The following COLEC11 variants were observed in gnomAD, a reference collection of about 807,000 sequenced individuals.
COLEC11 encodes collectin-11.
Under a neutral mutation model 27.3 loss-of-function variants are expected in COLEC11, and 20 were observed. That is an observed-to-expected ratio of 0.73 (90% confidence interval 0.51 to 1.06). The LOEUF (loss-of-function observed/expected upper bound fraction) is 1.06. COLEC11 is among the 50% of genes least tolerant of loss of function. The pLI, the probability that COLEC11 is intolerant of heterozygous loss-of-function variation, is 0.00. For missense variants in COLEC11, 310 were observed against 383.0 expected, an observed-to-expected ratio of 0.81 and a Z score of 1.59; for synonymous variants, 163 against 154.7, an observed-to-expected ratio of 1.05 and a Z score of -0.40.
At chr2:3,630,528 T>C (rs142586795) in intron 3 of COLEC11, among the ~76,000 whole-genome samples, 246 of 152,264 alleles carry the variant, frequency 1.6e-3, no homozygotes, top group African/African-American at 5.6e-3. Context: ...GAAAAATGAG[T>C]GCCCTTTACA....
chr2:3,601,170 G>A (rs1347969756), intron 1 of COLEC11, among the ~76,000 whole-genome samples: 1 of 152,244 alleles, frequency 6.6e-6, no homozygotes, highest in Admixed American at 6.5e-5. Flanking sequence ...GCCTCGGCGT[G>A]GTGGCAGTGG....
At chr2:3,624,399 C>T (rs1296750459) in intron 3 of COLEC11, among the ~76,000 whole-genome samples, 1 of 152,198 alleles carries the variant, frequency 6.6e-6, no homozygotes, top group Non-Finnish European at 1.5e-5. Context: ...TATTAGGGTC[C>T]ATAGCCTTTC....
chr2:3,595,809 C>T (rs562232937), intron 1 of COLEC11, among the ~76,000 whole-genome samples: 41 of 152,230 alleles, frequency 2.7e-4, no homozygotes, highest in African/African-American at 9.6e-4. Flanking sequence ...TAGGAACTGG[C>T]GGTCTTTTTA....
In COLEC11 at chr2:3,644,241, T is replaced by TAG. The variant is rs1572488768; in HGVS notation, c.*126_*127dup. On this transcript the variant is annotated 3_prime_UTR_variant, in exon 7 of 7. Transcript: ENST00000349077. Reference sequence around the variant, plus strand: ...CTGTGAAGGGTGGAGGCTCACTGAGTAGAGGGCTGTTGTCTAAACTGAGAA... The same window carrying TAG: ...CTGTGAAGGGTGGAGGCTCACTGAGTAGAGAGGGCTGTTGTCTAAACTGAGAA... 2 of 1,222,948 alleles carry TAG rather than the reference T, an allele frequency of 1.6e-6. No individual in the cohort carries two copies. The highest frequency in any genetic ancestry group is 4.8e-4 in the Middle Eastern group (2 of 4,178). 75.8% of individuals were successfully genotyped at this position (1,222,948 alleles called of 1,614,324 possible). A position where few individuals can be genotyped will look rare whatever the true frequency, so the allele number is the denominator to read the frequency against.
intron 3 of COLEC11, among the ~76,000 whole-genome samples, chr2:3,628,522 C>T (rs1664729287): frequency 6.6e-6 from 1 of 152,218 alleles, no homozygotes; most frequent in African/African-American, 2.4e-5. Context: ...GCATGCTCTG[C>T]ACATGGGGAC....
intron 2 of COLEC11, 100 bp downstream of exon 2, chr2:3,604,570 CA>C: frequency 1.5e-6 from 2 of 1,347,826 alleles, no homozygotes; most frequent in South Asian, 1.2e-5. Context: ...CACAAAGCCC[CA>C]GCAAATCTGC....
At chr2:3,642,678 C>T (rs963108353) in intron 5 of COLEC11, among the ~76,000 whole-genome samples, 21 of 152,248 alleles carry the variant, frequency 1.4e-4, no homozygotes, top group Non-Finnish European at 5.9e-5. Context: ...ACATTCCTGC[C>T]GCATCATCCA....
intron 5 of COLEC11, among the ~76,000 whole-genome samples, chr2:3,642,264 C>G (rs1040897828): frequency 6.6e-6 from 1 of 152,202 alleles, no homozygotes; most frequent in African/African-American, 2.4e-5. Flanking sequence ...CTCCATGCCC[C>G]GTGGCTCTCA....
chr2:3,643,587 T>C (rs1666038427), intron 6 of COLEC11, 48 bp downstream of exon 6: 1 of 1,598,660 alleles, frequency 6.3e-7, no homozygotes, highest in Non-Finnish European at 8.6e-7. Context: ...CTCCCAGCCC[T>C]GTCCTGAGCC....
intron 5 of COLEC11, among the ~76,000 whole-genome samples, chr2:3,641,747 G>A (rs1438535333): frequency 6.6e-6 from 1 of 152,218 alleles, no homozygotes; most frequent in East Asian, 1.9e-4. Context: ...TGAGGGCGAG[G>A]AAGGTGGTTT....
chr2:3,611,589 C>A (rs768423111), intron 2 of COLEC11, among the ~76,000 whole-genome samples: 9 of 152,196 alleles, frequency 5.9e-5, no homozygotes, highest in Non-Finnish European at 1.0e-4. Context: ...GATAAGAAAG[C>A]AAACTTGAGA....
At chr2:3,621,436 T>C (rs1329242523) in intron 3 of COLEC11, among the ~76,000 whole-genome samples, 1 of 152,230 alleles carries the variant, frequency 6.6e-6, no homozygotes, top group Non-Finnish European at 1.5e-5. Flanking sequence ...GAAGTGTGTC[T>C]TTTGTAGGCA....
intron 4 of COLEC11, among the ~76,000 whole-genome samples, chr2:3,639,070 C>G (rs1178628699): frequency 6.6e-6 from 1 of 152,206 alleles, no homozygotes; most frequent in African/African-American, 2.4e-5. Context: ...GTTTGTCCTT[C>G]TGTGTCTAGT....
At chr2:3,639,501 C>T (rs531588494) in intron 4 of COLEC11, among the ~76,000 whole-genome samples, 1 of 152,356 alleles carries the variant, frequency 6.6e-6, no homozygotes, top group Admixed American at 6.5e-5. Context: ...TGCGAAACTC[C>T]TTCCCTCCTT....
chr2:3,605,250 C>T (rs1451639422), intron 2 of COLEC11, among the ~76,000 whole-genome samples: 2 of 151,468 alleles, frequency 1.3e-5, no homozygotes, highest in African/African-American at 4.9e-5. Flanking sequence ...GGGGCTGCAC[C>T]GGCCGCAGCA....
At chr2:3,604,204 G>T (rs1002242993) in intron 1 of COLEC11, 111 bp from the exon 2 acceptor site, 8 of 1,194,214 alleles carry the variant, frequency 6.7e-6, no homozygotes, top group Non-Finnish European at 9.7e-6. Context: ...GGCCCAGACA[G>T]CCCTTCCAGG....
chr2:3,599,301 CTCA>C (rs1401004614), intron 1 of COLEC11, among the ~76,000 whole-genome samples: 1 of 152,190 alleles, frequency 6.6e-6, no homozygotes, highest in Admixed American at 6.5e-5. Flanking sequence ...AAGCCAGGTC[CTCA>C]TCTGGTGCGC....
chr2:3,631,785 A>G (rs1665023458), intron 3 of COLEC11, among the ~76,000 whole-genome samples: 1 of 151,144 alleles, frequency 6.6e-6, no homozygotes, highest in South Asian at 2.1e-4. Context: ...TGCTTTGCAC[A>G]CTCTGGTCTC....
At chr2:3,606,121 T>A (rs1662671576) in intron 2 of COLEC11, 1 of 1,550,622 alleles carries the variant, frequency 6.4e-7, no homozygotes, top group East Asian at 2.4e-5. Context: ...GAGTGGAACC[T>A]TCAGCTTTAG....
Sources: allele counts gnomAD v4.1 joint callset (sites outside exome capture counted in the v4.1 genomes callset), GRCh38; gene constraint gnomAD v4.1.1; transcripts MANE v1.5; gene names NCBI Gene and HGNC (gene_info 2026-07-23, HGNC 2026-07-21).